CPNE4: variants seen among roughly 807,000 people sequenced by gnomAD.
The protein encoded by CPNE4 is copine 4.
In CPNE4, 25 loss-of-function variants were observed where a neutral mutation model predicts 67.9. That is an observed-to-expected ratio of 0.37 (90% CI 0.27 to 0.51). The LOEUF (loss-of-function observed/expected upper bound fraction) is 0.51, where lower values mean the gene tolerates loss of function less well. CPNE4 is among the 20% of genes least tolerant of loss of function. CPNE4 has a pLI of 0.93. For missense variants in CPNE4, 464 were observed against 690.8 expected (o/e 0.67, Z 3.68); for synonymous variants, 242 against 244.9 (o/e 0.99, Z 0.11).
intron 2 of CPNE4, among the ~76,000 whole-genome samples, chr3:131,875,467 G>T (rs912559307): frequency 6.6e-6 from 1 of 152,134 alleles, no homozygotes; most frequent in African/African-American, 2.4e-5. Flanking sequence ...TTAAGAAAAT[G>T]TGGCACATAT....
intron 8 of CPNE4, among the ~76,000 whole-genome samples, chr3:131,586,467 C>A (rs1479497624): frequency 6.6e-6 from 1 of 152,198 alleles, no homozygotes; most frequent in African/African-American, 2.4e-5. Context: ...AGAGCATACA[C>A]CTCAGAGTTT....
intron 11 of CPNE4, among the ~76,000 whole-genome samples, chr3:131,561,356 T>C (rs73214101): frequency 0.059 from 8,897 of 151,716 alleles, 870 homozygotes; most frequent in African/African-American, 0.2. Context: ...TGTGTGTGTG[T>C]GCGCACATAC....
At chr3:131,717,874 TTTTCTTTCTTTCTTTCTTTC>T (rs71136405) in intron 3 of CPNE4, among the ~76,000 whole-genome samples, 2 of 97,038 alleles carry the variant, frequency 2.1e-5, no homozygotes, top group Admixed American at 1.9e-4. Flanking sequence ...TCTTTCTTTC[TTTTCTTTCTTTCTTTCTTTC>T]TTTCTTTCTT....
In CPNE4 at chr3:131,958,627, T is replaced by C. The variant is rs947962457; in HGVS notation, c.-1-53183A>G. ...TTCTTTTCTTTTTTTTTTTTTTTTT[T>C]TTTTTTTTTTTTTTTGAGACAGAGT... On this transcript the variant is annotated intron_variant, in intron 1 of 15. Coordinates refer to ENST00000429747, the MANE Select transcript of CPNE4 (RefSeq NM_130808.3). Among the ~76,000 whole-genome samples, 39 of 130,524 alleles carry C rather than the reference T, an allele frequency of 3.0e-4. 1 individual carries two copies. The highest frequency in any genetic ancestry group is 1.5e-4 in the Admixed American group (2 of 13,610). The allele number at this position is 130,524 out of a possible 152,430, so 85.6% of individuals were successfully genotyped here.
intron 6 of CPNE4, 120 bp downstream of exon 6, chr3:131,685,755 T>C (rs1366760311): frequency 1.1e-5 from 7 of 653,410 alleles, no homozygotes; most frequent in Admixed American, 3.0e-5. Context: ...CACTCCAGCC[T>C]GGGTGACACA....
At chr3:132,032,735 A>ATAAAG (rs1262892919) in intron 1 of CPNE4, among the ~76,000 whole-genome samples, 5 of 151,688 alleles carry the variant, frequency 3.3e-5, no homozygotes, top group African/African-American at 1.2e-4. Flanking sequence ...GGGCAGGTGA[A>ATAAAG]TGAGTTCAGC....
chr3:131,657,058 G>C (rs997283479), intron 7 of CPNE4, among the ~76,000 whole-genome samples: 17 of 152,188 alleles, frequency 1.1e-4, no homozygotes, highest in Admixed American at 1.0e-3. Context: ...TATTTAACAG[G>C]CCCATCCAAG....
chr3:131,729,830 T>C (rs1445332996), intron 2 of CPNE4, among the ~76,000 whole-genome samples: 2 of 152,196 alleles, frequency 1.3e-5, no homozygotes, highest in Non-Finnish European at 2.9e-5. Context: ...AAAAAATGCC[T>C]GAGTATTTGA....
chr3:131,960,023 T>C (rs1022955226), intron 1 of CPNE4, among the ~76,000 whole-genome samples: 2 of 151,826 alleles, frequency 1.3e-5, no homozygotes, highest in Non-Finnish European at 2.9e-5. Flanking sequence ...GCCTTGAAAA[T>C]AATTGTGAGC....
intron 2 of CPNE4, among the ~76,000 whole-genome samples, chr3:131,860,926 C>A (rs957070790): frequency 6.6e-6 from 1 of 152,286 alleles, no homozygotes; most frequent in South Asian, 2.1e-4. Flanking sequence ...TTCTGGACAT[C>A]AGTGCAAATG....
intron 12 of CPNE4, among the ~76,000 whole-genome samples, chr3:131,555,168 G>A (rs1936394453): frequency 6.6e-6 from 1 of 151,996 alleles, no homozygotes; most frequent in African/African-American, 2.4e-5. Context: ...CTATTTCCTA[G>A]GGGATATACG....
intron 2 of CPNE4, among the ~76,000 whole-genome samples, chr3:131,903,037 A>T (rs1424198454): frequency 6.6e-6 from 1 of 152,144 alleles, no homozygotes; most frequent in Non-Finnish European, 1.5e-5. Context: ...ACTAACTGCT[A>T]TCAAGCCTTT....
intron 1 of CPNE4, among the ~76,000 whole-genome samples, chr3:132,005,787 G>GAA (rs11424349): frequency 4.7e-4 from 71 of 149,834 alleles, no homozygotes; most frequent in African/African-American, 6.4e-4. Context: ...GCATTTAATT[G>GAA]AAAAAAAAAA....
chr3:131,679,490 TG>T (rs1299510922), intron 6 of CPNE4, among the ~76,000 whole-genome samples: 5 of 152,174 alleles, frequency 3.3e-5, no homozygotes, highest in Non-Finnish European at 5.9e-5. Flanking sequence ...TGTTTGATCT[TG>T]GTTCTCAAGT....
At chr3:131,602,670 G>A (rs922160505) in intron 7 of CPNE4, among the ~76,000 whole-genome samples, 1 of 152,128 alleles carries the variant, frequency 6.6e-6, no homozygotes, top group African/African-American at 2.4e-5. Flanking sequence ...AACTCCCATG[G>A]TTGTGTGGAC....
At chr3:131,797,767 C>A (rs1288197774) in intron 2 of CPNE4, among the ~76,000 whole-genome samples, 1 of 152,154 alleles carries the variant, frequency 6.6e-6, no homozygotes, top group Non-Finnish European at 1.5e-5. Flanking sequence ...CACATCGATG[C>A]CTTTTACATC....
intron 2 of CPNE4, among the ~76,000 whole-genome samples, chr3:131,896,740 T>A (rs377683849): frequency 2.6e-5 from 4 of 152,110 alleles, no homozygotes; most frequent in African/African-American, 7.2e-5. Flanking sequence ...TTGTACTTGA[T>A]ACCTCCTGGT....
intron 1 of CPNE4, among the ~76,000 whole-genome samples, chr3:131,930,399 AC>A (rs1341219895): frequency 1.3e-5 from 2 of 152,000 alleles, no homozygotes; most frequent in Non-Finnish European, 1.5e-5. Flanking sequence ...GGGAACGTAC[AC>A]CCTGACCTCA....
At chr3:131,594,032 A>G (rs538005205) in intron 7 of CPNE4, among the ~76,000 whole-genome samples, 1 of 152,226 alleles carries the variant, frequency 6.6e-6, no homozygotes, top group Middle Eastern at 3.4e-3. Flanking sequence ...TTCCAGGACT[A>G]TGTTAAATGG....
Sources: gnomAD v4.1 joint callset for allele counts (sites outside exome capture counted in the v4.1 genomes callset) on GRCh38, gnomAD v4.1.1 for gene constraint, MANE v1.5 for transcripts, NCBI Gene and HGNC (gene_info 2026-07-23, HGNC 2026-07-21) for gene names.